Variants in AMOTL1 observed in about 807,000 individuals in gnomAD.
AMOTL1 encodes angiomotin like 1, also known as angiomotin-like protein 1.
AMOTL1 carries 45 observed loss-of-function variants against 102.9 expected under a neutral mutation model. The observed-to-expected ratio is 0.44, with a 90% CI of 0.34 to 0.56. The LOEUF (loss-of-function observed/expected upper bound fraction) is 0.56. Ranked by LOEUF, AMOTL1 falls within the 20% of genes least tolerant of loss-of-function variation. The pLI is 0.01. For synonymous variants in AMOTL1, 481 were observed against 484.7 expected (o/e 0.99, Z 0.10); for missense variants, 1,114 against 1,225.6 (o/e 0.91, Z 1.36).
chr11:94,827,551 G>C lies in AMOTL1; in HGVS notation c.1414-2499G>C, dbSNP rs150441143. Among the ~76,000 whole-genome samples the C allele has an allele frequency of 9.7e-3, 1,473 of 152,340 alleles. 103 individuals are homozygous for C. Among genetic ancestry groups the C allele is most frequent in the Admixed American group, 0.089 (1,361 of 15,296 alleles). On this transcript the variant is annotated intron_variant, in intron 4 of 12. Transcript: ENST00000433060. ...TAATTCATGGTAAGGCTATGAACAG[G>C]ATTTAGGACATACTGTCCTCTGTGC...
chr11:94,706,762 C>T (rs1290981072), intron 1 of AMOTL1, among the ~76,000 whole-genome samples: 1 of 152,162 alleles, frequency 6.6e-6, no homozygotes, highest in Admixed American at 6.5e-5. Flanking sequence ...GGTGGGGTGG[C>T]AGACCATGGC....
At chr11:94,727,032 C>T (rs1464737397) in intron 1 of AMOTL1, among the ~76,000 whole-genome samples, 1 of 152,130 alleles carries the variant, frequency 6.6e-6, no homozygotes, top group Non-Finnish European at 1.5e-5. Context: ...GATGTGAGAG[C>T]CTAACCTCAC....
chr11:94,711,213 G>T lies in AMOTL1; in HGVS notation c.-51+4616G>T, dbSNP rs1283997602. On this transcript the variant is annotated intron_variant, in intron 1 of 4. Transcript: ENST00000299004. ...GACAGATCCATCTCATTAAATTTAT[G>T]GTTGATCTAGTTGTGGATTTTGTAA... Among the ~76,000 whole-genome samples, 3 of 152,112 alleles carry T rather than the reference G, an allele frequency of 2.0e-5. No homozygotes were observed. The East Asian group carries it at 5.8e-4, about 29-fold the overall frequency.
intron 4 of AMOTL1, among the ~76,000 whole-genome samples, chr11:94,829,309 G>A (rs1004496534): frequency 6.7e-6 from 1 of 148,298 alleles, no homozygotes; most frequent in Non-Finnish European, 1.5e-5. Flanking sequence ...TGCAACCTTC[G>A]CCTCCCAGGC....
chr11:94,750,620 G>A (rs1436745733), intron 3 of AMOTL1, among the ~76,000 whole-genome samples: 1 of 152,172 alleles, frequency 6.6e-6, no homozygotes, highest in Non-Finnish European at 1.5e-5. Flanking sequence ...TTGCTCCCGT[G>A]ATGTACCCTA....
At chr11:94,824,224 A>G (rs1386529495) in intron 4 of AMOTL1, among the ~76,000 whole-genome samples, 1 of 152,154 alleles carries the variant, frequency 6.6e-6, no homozygotes, top group African/African-American at 2.4e-5. Context: ...TGAATGTTAT[A>G]AATTGTTCTA....
Position 94,840,093 on chromosome 11 carries a change from T to TGAAA in AMOTL1, c.1648+8571_1648+8574dup, listed in dbSNP as rs201852859. 5.1e-3 allele frequency among the ~76,000 whole-genome samples: 771 copies of TGAAA among 152,114 alleles called. 12 individuals are homozygous for TGAAA. Among genetic ancestry groups the TGAAA allele is most frequent in the African/African-American group, 0.017 (704 of 41,510 alleles). ...AGATCAGAATAGAGCTTAGAGTTAA[T>TGAAA]GAAAGAAAGAAAGAAAGAAAGAGAA... On this transcript the variant is annotated intron_variant, in intron 6 of 12. Coordinates refer to ENST00000433060, the MANE Select transcript of AMOTL1 (RefSeq NM_130847.3).
intron 6 of AMOTL1, among the ~76,000 whole-genome samples, chr11:94,840,293 A>C (rs1035783265): frequency 3.3e-5 from 5 of 152,208 alleles, no homozygotes; most frequent in African/African-American, 1.2e-4. Context: ...ATGGATTCAG[A>C]GAACTTTTGA....
In AMOTL1 at chr11:94,850,155, T is replaced by C. The variant is rs761034811; in HGVS notation, c.1690T>C (p.Leu564=). The C allele has an allele frequency of 6.3e-7, 1 of 1,586,146 alleles. No individual in the cohort carries two copies. Among genetic ancestry groups the C allele is most frequent in the Non-Finnish European group, 8.6e-7 (1 of 1,165,732 alleles). ...LKEKEKLEME[L]AAVRTASEDH... Reference sequence around the variant, plus strand: ...GGAAAAGGAGAAATTAGAAATGGAGTTAGCAGCAGTGCGGACTGCAAGTGA... The same window carrying C: ...GGAAAAGGAGAAATTAGAAATGGAGCTAGCAGCAGTGCGGACTGCAAGTGA... Residue 564 remains leucine, a synonymous_variant, in exon 7 of 13, where the codon TTA becomes CTA. Coordinates refer to ENST00000433060, the MANE Select transcript of AMOTL1 (RefSeq NM_130847.3).
At chr11:94,782,171 A>G (rs1443181414) in intron 1 of AMOTL1, among the ~76,000 whole-genome samples, 1 of 152,248 alleles carries the variant, frequency 6.6e-6, no homozygotes, top group Admixed American at 6.5e-5. Context: ...TTTACTTGAA[A>G]GAACAACTGA....
chr11:94,739,613 T>C (rs572587321), intron 2 of AMOTL1, among the ~76,000 whole-genome samples: 4 of 152,000 alleles, frequency 2.6e-5, no homozygotes, highest in African/African-American at 9.7e-5. Flanking sequence ...TTTGAGACAA[T>C]AGAAGGCCCC....
intron 2 of AMOTL1, among the ~76,000 whole-genome samples, chr11:94,738,421 C>T (rs1950467479): frequency 6.6e-6 from 1 of 152,060 alleles, no homozygotes; most frequent in Non-Finnish European, 1.5e-5. Flanking sequence ...CCACACTTGG[C>T]TAATTTTTGT....
At chr11:94,867,070 T>A (rs980129965) in intron 11 of AMOTL1, among the ~76,000 whole-genome samples, 5 of 152,134 alleles carry the variant, frequency 3.3e-5, no homozygotes, top group African/African-American at 9.7e-5. Context: ...CGTGTTTTTG[T>A]TTCTCTGTGC....
intron 4 of AMOTL1, among the ~76,000 whole-genome samples, chr11:94,826,810 G>C (rs369223079): frequency 6.6e-5 from 10 of 152,166 alleles, no homozygotes; most frequent in African/African-American, 2.4e-4. Flanking sequence ...ATGCACTGAA[G>C]GGGATTAGTC....
chr11:94,731,994 C>A (rs190251375), intron 2 of AMOTL1, among the ~76,000 whole-genome samples: 223 of 152,322 alleles, frequency 1.5e-3, no homozygotes, highest in Non-Finnish European at 2.7e-3. Context: ...CACAGCAGGG[C>A]TCTCCCCTAC....
intron 1 of AMOTL1, among the ~76,000 whole-genome samples, chr11:94,786,120 C>G (rs1009396019): frequency 1.3e-5 from 2 of 152,052 alleles, no homozygotes; most frequent in African/African-American, 4.8e-5. Flanking sequence ...AAAAGAATCT[C>G]GAGTTCAGGT....
upstream of AMOTL1, among the ~76,000 whole-genome samples, chr11:94,766,913 TA>T (rs1950861662): frequency 6.6e-6 from 1 of 152,192 alleles, no homozygotes; most frequent in Non-Finnish European, 1.5e-5. Context: ...TCGTTTCTGG[TA>T]AAAACGCTTT....
Position 94,707,246 on chromosome 11 carries a change from C to CTGTGTGTG in AMOTL1, c.-51+650_-51+651insGTGTGTGT, listed in dbSNP as rs1173917311. ...TCTCTCTCTCTCTCTCTCTCTCTCT[C>CTGTGTGTG]TCTCTGTGTGTGTGTGTGTGTGTGT... is the stretch of plus-strand genomic sequence containing the variant. On this transcript the variant is annotated intron_variant, in intron 1 of 4. Transcript: ENST00000299004. 5.7e-4 allele frequency among the ~76,000 whole-genome samples: 34 copies of CTGTGTGTG among 59,990 alleles called. No homozygotes were observed. In the South Asian group the frequency reaches 8.4e-3, roughly 15 times the overall value. The allele number at this position is 59,990 out of a possible 152,430, so 39.4% of individuals were successfully genotyped here.
At chr11:94,845,717 C>T (rs1952398033) in intron 6 of AMOTL1, among the ~76,000 whole-genome samples, 1 of 152,162 alleles carries the variant, frequency 6.6e-6, no homozygotes, top group Admixed American at 6.5e-5. Flanking sequence ...GTCGGCCTGG[C>T]CACACAGCCT....
Sources: allele counts gnomAD v4.1 joint callset (sites outside exome capture counted in the v4.1 genomes callset), GRCh38; gene constraint gnomAD v4.1.1; transcripts MANE v1.5; gene names NCBI Gene and HGNC (gene_info 2026-07-23, HGNC 2026-07-21).